FNDC3A: variants seen among roughly 807,000 people sequenced by gnomAD.
FNDC3A encodes fibronectin type-III domain-containing protein 3A.
A neutral mutation model predicts 148.9 loss-of-function variants in FNDC3A; 32 were observed. The ratio of observed to expected loss-of-function variants is 0.21; its 90% CI spans 0.16 to 0.29. The LOEUF (loss-of-function observed/expected upper bound fraction) is 0.29, where lower values mean the gene tolerates loss of function less well. Among genes scored for constraint, FNDC3A ranks in the 10% least tolerant of loss-of-function variants. FNDC3A has a pLI of 1.00. For missense variants in FNDC3A, 1,191 were observed against 1,452.8 expected, an observed-to-expected ratio of 0.82 and a Z score of 2.93; for synonymous variants, 472 against 473.6, an observed-to-expected ratio of 1.00 and a Z score of 0.04.
At chr13:49,162,605 T>G (rs1485363921) in intron 8 of FNDC3A, among the ~76,000 whole-genome samples, 1 of 152,232 alleles carries the variant, frequency 6.6e-6, no homozygotes, top group Non-Finnish European at 1.5e-5. Flanking sequence ...TGAAGTCTAC[T>G]TCTGTCAACT....
intron 14 of FNDC3A, among the ~76,000 whole-genome samples, chr13:49,183,735 G>A (rs1885421385): frequency 6.6e-6 from 1 of 151,854 alleles, no homozygotes; most frequent in Non-Finnish European, 1.5e-5. Context: ...CCATGTGACT[G>A]TGAGAGGACT....
chr13:49,178,717 T>C, intron 14 of FNDC3A, 63 bp downstream of exon 14: 1 of 899,954 alleles, frequency 1.1e-6, no homozygotes, highest in South Asian at 1.7e-5. Context: ...TGTGGTGGGG[T>C]TCTTTGTTTT....
chr13:49,170,643 A>G (rs1041206885), intron 10 of FNDC3A, among the ~76,000 whole-genome samples: 3 of 152,116 alleles, frequency 2.0e-5, no homozygotes, highest in African/African-American at 2.4e-5. Context: ...GTTCTGCTCT[A>G]CTTTTAATGA....
intron 1 of FNDC3A, among the ~76,000 whole-genome samples, chr13:48,999,985 C>T (rs1274180593): frequency 6.6e-6 from 1 of 152,132 alleles, no homozygotes; most frequent in East Asian, 1.9e-4. Context: ...TTTAAAATAG[C>T]AGACCAAGCT....
chr13:49,078,713 A>G (rs1878277427), intron 3 of FNDC3A, among the ~76,000 whole-genome samples: 1 of 152,218 alleles, frequency 6.6e-6, no homozygotes, highest in Admixed American at 6.5e-5. Flanking sequence ...TCTTCCACTT[A>G]GCCATCACTA....
chr13:49,175,313 C>T, intron 12 of FNDC3A, 54 bp from the exon 13 acceptor site: 4 of 1,301,120 alleles, frequency 3.1e-6, no homozygotes, highest in Non-Finnish European at 4.1e-6. Context: ...CAAACTTGTT[C>T]TTTCACTGTA....
In FNDC3A at chr13:49,174,549, T is replaced by C; in HGVS notation, c.1345T>C (p.Tyr449His). 1 of 1,612,040 alleles carries C rather than the reference T, an allele frequency of 6.2e-7. No individual in the cohort carries two copies. Among genetic ancestry groups the C allele is most frequent in the African/African-American group, 1.3e-5 (1 of 74,990 alleles). ...ATTCAGACTATCGGCCAGAAATGAC[T>C]ATGGTACAAGGTAAGGTGTACTTTA... ...CKFRLSARND[Y>H]GTSGFSEEVL... The change falls in exon 12 of 26, where the codon TAT becomes CAT. Residue 449 changes from tyrosine to histidine, a missense_variant. Transcript: ENST00000492622.
intron 19 of FNDC3A, among the ~76,000 whole-genome samples, chr13:49,193,849 G>A (rs1886014372): frequency 6.6e-6 from 1 of 152,236 alleles, no homozygotes; most frequent in East Asian, 1.9e-4. Context: ...GAACCTGGGA[G>A]GCGGAGGTTA....
At chr13:49,053,471 GT>G (rs1166997708) in intron 2 of FNDC3A, among the ~76,000 whole-genome samples, 1 of 152,150 alleles carries the variant, frequency 6.6e-6, no homozygotes, top group Non-Finnish European at 1.5e-5. Flanking sequence ...GCCCAAGGTG[GT>G]TTGGTTATAG....
intron 2 of FNDC3A, among the ~76,000 whole-genome samples, chr13:49,038,178 C>G (rs1402523935): frequency 2.0e-5 from 3 of 152,164 alleles, no homozygotes; most frequent in Non-Finnish European, 4.4e-5. Context: ...TCATCTCCTT[C>G]TGGAGCCTGG....
At position 49,131,149 on chromosome 13, in the gene FNDC3A, A is replaced by G; in HGVS notation, c.265A>G (p.Asn89Asp). ...GTTCATTTTGTAGGTTATTGAAGAC[A>G]ATGGTGTTCGAAGAGTTGTCGTGGT... is the stretch of plus-strand genomic sequence containing the variant. The part of the protein sequence containing the change: ...PGYAPQVIED[N>D]GVRRVVVVPQ... Residue 89 changes from asparagine to aspartate, a missense_variant, in exon 5 of 26, where the codon AAT becomes GAT. By Grantham distance (23) the Asn-to-Asp change is conservative. This residue lies in a region of FNDC3A where 426 missense variants were observed against 473.2 expected (regional missense o/e 0.90). Coordinates refer to ENST00000492622, the MANE Select transcript of FNDC3A (RefSeq NM_001079673.2). The G allele has an allele frequency of 1.2e-6, 2 of 1,611,410 alleles. No individual in the cohort carries two copies. The highest frequency in any genetic ancestry group is 8.5e-7 in the Non-Finnish European group (1 of 1,177,524).
At chr13:49,082,479 A>G (rs1878543767) in intron 3 of FNDC3A, among the ~76,000 whole-genome samples, 1 of 152,110 alleles carries the variant, frequency 6.6e-6, no homozygotes, top group Non-Finnish European at 1.5e-5. Flanking sequence ...TATAGTGTGT[A>G]TTAGTTGGGG....
chr13:49,140,671 C>T (rs1267818292), intron 7 of FNDC3A, among the ~76,000 whole-genome samples: 5 of 152,126 alleles, frequency 3.3e-5, no homozygotes, highest in South Asian at 2.1e-4. Flanking sequence ...AATATTTTAC[C>T]GCTTACAAAG....
At chr13:49,050,729 T>C (rs1875774162) in intron 2 of FNDC3A, among the ~76,000 whole-genome samples, 1 of 152,238 alleles carries the variant, frequency 6.6e-6, no homozygotes, top group Non-Finnish European at 1.5e-5. Context: ...TGTCTAATGC[T>C]GTCAGTGGAG....
intron 2 of FNDC3A, among the ~76,000 whole-genome samples, chr13:49,020,307 A>G (rs1385687550): frequency 1.3e-5 from 2 of 152,230 alleles, no homozygotes; most frequent in African/African-American, 2.4e-5. Flanking sequence ...TTAAGGAGGT[A>G]AAATTGGTGA....
chr13:49,198,521 A>G lies in FNDC3A; in HGVS notation c.2934A>G (p.Thr978=). Residue 978 remains threonine (T), a synonymous_variant, in exon 23 of 26, where the codon ACA becomes ACG. Transcript: ENST00000492622. ...KLKWGEGTPK[T]LSTDSIQYHL... ...AATGGGGAGAAGGAACTCCAAAGAC[A>G]TTGTCAACCGATTCTATTCAGTACC... The G allele has an allele frequency of 1.9e-6, 3 of 1,614,200 alleles. No homozygotes were observed. The highest frequency in any genetic ancestry group is 1.7e-6 in the Non-Finnish European group (2 of 1,180,016).
intron 4 of FNDC3A, among the ~76,000 whole-genome samples, chr13:49,126,371 G>A (rs968651134): frequency 2.6e-5 from 4 of 151,794 alleles, no homozygotes; most frequent in Non-Finnish European, 5.9e-5. Flanking sequence ...TTACAGCATT[G>A]CACTACCAGC....
At chr13:48,987,292 C>G (rs942216180) in intron 1 of FNDC3A, among the ~76,000 whole-genome samples, 5 of 152,160 alleles carry the variant, frequency 3.3e-5, no homozygotes, top group Admixed American at 6.5e-5. Flanking sequence ...AAAAACTGAT[C>G]TATGTGCACA....
chr13:48,994,557 T>A (rs1951986674), intron 1 of FNDC3A, among the ~76,000 whole-genome samples: 1 of 152,128 alleles, frequency 6.6e-6, no homozygotes, highest in Non-Finnish European at 1.5e-5. Context: ...CGCGGGCAGA[T>A]CACAAGGTCA....
Sources: gnomAD v4.1 joint callset for allele counts (sites outside exome capture counted in the v4.1 genomes callset) on GRCh38, gnomAD v4.1.1 for gene constraint, gnomAD v4.1.1 regional missense constraint, MANE v1.5 for transcripts, NCBI Gene and HGNC (gene_info 2026-07-23, HGNC 2026-07-21) for gene names.